The following VWA2 variants were observed in gnomAD, a reference collection of about 807,000 sequenced individuals.
VWA2 encodes the protein von Willebrand factor A domain-containing protein 2.
VWA2 carries 73 observed loss-of-function variants against 70.4 expected under a neutral mutation model. That is an observed-to-expected ratio of 1.04 (90% CI 0.86 to 1.26). VWA2 has a LOEUF of 1.26. Among genes scored for constraint, VWA2 ranks in the 50% most tolerant of loss-of-function variants. VWA2 has a pLI of 0.00. For synonymous variants in VWA2, 407 were observed against 423.3 expected, an observed-to-expected ratio of 0.96 and a Z score of 0.47; for missense variants, 1,011 against 998.5, an observed-to-expected ratio of 1.01 and a Z score of -0.17.
chr10:114,249,654 G>A (rs1432041501), intron 2 of VWA2, among the ~76,000 whole-genome samples: 1 of 152,190 alleles, frequency 6.6e-6, no homozygotes, highest in African/African-American at 2.4e-5. Context: ...CCATGTCCCT[G>A]CAAAGGACGT....
In VWA2 at chr10:114,293,690, C is replaced by T. The variant is rs2039812439; in HGVS notation, c.*2453C>T. Among the ~76,000 whole-genome samples, 1 of 152,024 alleles carries T rather than the reference C, an allele frequency of 6.6e-6. No individual in the cohort carries two copies. Among genetic ancestry groups the T allele is most frequent in the Non-Finnish European group, 1.5e-5 (1 of 68,020 alleles). ...AATAATTAAAACATTGCATATAGGC[C>T]ATAAATTTCCTTATTTTCTCTGAAC... On this transcript the variant is annotated 3_prime_UTR_variant, in exon 14 of 14. Transcript: ENST00000392982.
In VWA2 at chr10:114,246,249, C is replaced by T. The variant is rs186102915; in HGVS notation, c.-10-2455C>T. 1,469 of 814,234 alleles carry T rather than the reference C, an allele frequency of 1.8e-3. 13 individuals carry two copies. The African/African-American group carries it at 0.021, about 12-fold the overall frequency. 50.4% of individuals were successfully genotyped at this position (814,234 alleles called of 1,614,324 possible). A position where few individuals can be genotyped will look rare whatever the true frequency, so the allele number is the denominator to read the frequency against. On this transcript the variant is annotated intron_variant, in intron 1 of 13. Transcript: ENST00000392982. ...GGCATGGTGGCTCACGCCTGTAATC[C>T]CAGCACTTCGGGAGGCCGAGGCGGT...
Position 114,246,644 on chromosome 10 carries a change from A to G in VWA2, c.-10-2060A>G, listed in dbSNP as rs2037079043. 6.5e-6 allele frequency: 10 copies of G among 1,543,748 alleles called. No individual in the cohort carries two copies. The South Asian group carries it at 1.1e-4, about 17-fold the overall frequency. On this transcript the variant is annotated intron_variant, in intron 1 of 13. Transcript: ENST00000392982. ...CCAATGCTCAGAGAAGTACTTGAAC[A>G]CCCCTGGATCACAGCAAATTCATCA...
Position 114,291,260 on chromosome 10 carries a change from G to C in VWA2, c.*23G>C, listed in dbSNP as rs1168087279. Reference sequence around the variant, plus strand: ...TGAGGCACATGGCTCCCGTGCAGGAGGGCAGCAGCCGTACCCCTCCCAGCA... The same window carrying C: ...TGAGGCACATGGCTCCCGTGCAGGACGGCAGCAGCCGTACCCCTCCCAGCA... On this transcript the variant is annotated 3_prime_UTR_variant, in exon 14 of 14. Transcript: ENST00000392982. The C allele has an allele frequency of 6.5e-7, 1 of 1,549,146 alleles. No homozygotes were observed. Among genetic ancestry groups the C allele is most frequent in the Non-Finnish European group, 8.7e-7 (1 of 1,146,364 alleles).
chr10:114,266,690 C>A (rs1279870606), intron 5 of VWA2, among the ~76,000 whole-genome samples: 1 of 152,176 alleles, frequency 6.6e-6, no homozygotes, highest in Non-Finnish European at 1.5e-5. Flanking sequence ...AGCTCCTGGC[C>A]TGCTGGCTGC....
At chr10:114,271,285 TA>T (rs2037702184) in intron 5 of VWA2, among the ~76,000 whole-genome samples, 1 of 152,228 alleles carries the variant, frequency 6.6e-6, no homozygotes, top group Non-Finnish European at 1.5e-5. Flanking sequence ...GCAAGACTGC[TA>T]ATTCTAGGAG....
intron 12 of VWA2, 49 bp from the exon 13 acceptor site, chr10:114,290,191 T>A: frequency 6.5e-7 from 1 of 1,545,938 alleles, no homozygotes; most frequent in Non-Finnish European, 8.7e-7. Flanking sequence ...GGTCTTCGGG[T>A]CTAACCCATG....
intron 4 of VWA2, among the ~76,000 whole-genome samples, chr10:114,257,948 G>C (rs1589747602): frequency 6.6e-6 from 1 of 152,230 alleles, no homozygotes; most frequent in South Asian, 2.1e-4. Context: ...ATGTGAAAGA[G>C]AGCAGACAAT....
At position 114,261,231 on chromosome 10, in the gene VWA2, T is replaced by G. The variant is rs1370447668; in HGVS notation, c.307T>G (p.Phe103Val). The change falls in exon 5 of 14, where the codon TTC (phenylalanine) becomes GTC (valine). Residue 103 changes from phenylalanine to valine, a missense_variant. Coordinates refer to ENST00000392982, the MANE Select transcript of VWA2 (RefSeq NM_001272046.2). ...FQFSSTPHLE[F>V]PLDSFSTQQE... The stretch of plus-strand genomic sequence containing the variant: ...GTTCAGTTCCACTCCTCATCTGGAA[T>G]TCCCCTTGGATTCATTTTCAACCCA... 4.3e-6 allele frequency: 7 copies of G among 1,614,202 alleles called. No homozygotes were observed. The South Asian group carries it at 7.7e-5, about 18-fold the overall frequency.
intron 5 of VWA2, among the ~76,000 whole-genome samples, chr10:114,269,489 G>A (rs1446100051): frequency 6.6e-6 from 1 of 152,202 alleles, no homozygotes; most frequent in African/African-American, 2.4e-5. Context: ...GCTGAGGCAG[G>A]AGAATCGCTT....
At chr10:114,267,527 G>T (rs992440597) in intron 5 of VWA2, among the ~76,000 whole-genome samples, 3 of 150,928 alleles carry the variant, frequency 2.0e-5, no homozygotes, top group African/African-American at 7.3e-5. Flanking sequence ...CTGCCTACCT[G>T]GTTCAAGCGA....
chr10:114,245,710 C>T (rs2037054084), intron 1 of VWA2, among the ~76,000 whole-genome samples: 1 of 152,166 alleles, frequency 6.6e-6, no homozygotes, highest in Non-Finnish European at 1.5e-5. Context: ...TCCTTCTCAC[C>T]ACCTTTCTCC....
intron 1 of VWA2, among the ~76,000 whole-genome samples, 163 bp from the exon 2 acceptor site, chr10:114,248,541 A>T (rs1364208002): frequency 6.6e-6 from 1 of 152,154 alleles, no homozygotes; most frequent in Non-Finnish European, 1.5e-5. Flanking sequence ...AAAGTCTTCC[A>T]TGACTTGGGA....
rs1340130792 is a variant in VWA2 at position 114,239,278 on chromosome 10, G to C, written c.-302G>C. 1 of 152,336 alleles carries C rather than the reference G, an allele frequency of 6.6e-6. No individual in the cohort carries two copies. Among genetic ancestry groups the C allele is most frequent in the Non-Finnish European group, 1.5e-5 (1 of 68,050 alleles). 9.4% of individuals were successfully genotyped at this position (152,336 alleles called of 1,614,324 possible). A position where few individuals can be genotyped will look rare whatever the true frequency, so the allele number is the denominator to read the frequency against. On this transcript the variant is annotated 5_prime_UTR_variant, in exon 1 of 14. Coordinates refer to ENST00000392982, the MANE Select transcript of VWA2 (RefSeq NM_001272046.2). ...CACAGTGTTCGCGGCTGCACCGCTC[G>C]GAGGCTGGGTGACCCGCGTAGAAGT...
At position 114,288,995 on chromosome 10, in the gene VWA2, G is replaced by A. The variant is rs531061260; in HGVS notation, c.1628G>A (p.Gly543Glu). The A allele has an allele frequency of 4.7e-5, 76 of 1,614,118 alleles. No individual in the cohort carries two copies. The South Asian group carries it at 8.0e-4, about 17-fold the overall frequency. The stretch of plus-strand genomic sequence containing the variant: ...ATGTTGGACACCTCTGCCTCAGTAG[G>A]GCCCGAGAATTTTGCTCAGATGCAG... Reference protein sequence around the residue: ...VFMLDTSASVGPENFAQMQSF... With the variant: ...VFMLDTSASVEPENFAQMQSF... Residue 543 changes from glycine to glutamate, a missense_variant, in exon 12 of 14, where the codon GGG (glycine) becomes GAG (glutamate). By Grantham distance (98) the Gly-to-Glu change is moderately conservative. Coordinates refer to ENST00000392982, the MANE Select transcript of VWA2 (RefSeq NM_001272046.2).
intron 5 of VWA2, among the ~76,000 whole-genome samples, chr10:114,269,084 A>T (rs910309768): frequency 6.6e-6 from 1 of 152,214 alleles, no homozygotes; most frequent in Admixed American, 6.5e-5. Context: ...GTCGCAAGCC[A>T]GCAGACAGTT....
chr10:114,286,081 C>T lies in VWA2; in HGVS notation c.1140C>T (p.Ala380=). 2.5e-6 allele frequency: 4 copies of T among 1,614,116 alleles called. No individual in the cohort carries two copies. Among genetic ancestry groups the T allele is most frequent in the Non-Finnish European group, 3.4e-6 (4 of 1,180,030 alleles). ...CCGTGCTGAGCGAGGACTCTCGGGC[C>T]CGAGTGGGTGTGGCCACATACAGCA... is the stretch of plus-strand genomic sequence containing the variant. ...VRAVLSEDSR[A]RVGVATYSRE... is the part of the protein sequence containing the mutation. Residue 380 remains alanine (A), a synonymous_variant, in exon 11 of 14, where the codon GCC becomes GCT. Coordinates refer to ENST00000392982, the MANE Select transcript of VWA2 (RefSeq NM_001272046.2).
chr10:114,256,321 G>A (rs917503104), intron 4 of VWA2, among the ~76,000 whole-genome samples: 3 of 152,334 alleles, frequency 2.0e-5, no homozygotes, highest in Admixed American at 1.3e-4. Flanking sequence ...AAAAACACCA[G>A]AACAAGTGAA....
rs184099533 is a variant in VWA2 at position 114,263,662 on chromosome 10, C to T, written c.371+2367C>T. ...GAATCTGCACTTTTAAAAGGCGTCT[C>T]CCCACCCTCCCCTGTGACTGTTACA... On this transcript the variant is annotated intron_variant, in intron 5 of 13. Transcript: ENST00000392982. Among the ~76,000 whole-genome samples the T allele has an allele frequency of 2.6e-3, 398 of 152,164 alleles. 1 individual carries two copies. Among genetic ancestry groups the T allele is most frequent in the Non-Finnish European group, 3.5e-3 (240 of 68,004 alleles).
Sources: gnomAD v4.1 joint callset for allele counts (sites outside exome capture counted in the v4.1 genomes callset) on GRCh38, gnomAD v4.1.1 for gene constraint, MANE v1.5 for transcripts, NCBI Gene and HGNC (gene_info 2026-07-23, HGNC 2026-07-21) for gene names.